Variants in DNMT3A observed in about 807,000 individuals in gnomAD.
The protein encoded by DNMT3A is DNA (cytosine-5)-methyltransferase 3A.
In DNMT3A, 267 loss-of-function variants were observed where a neutral mutation model predicts 117.6. That is an observed-to-expected ratio of 2.27 (90% confidence interval 2.05 to 2.51). The LOEUF is 2.51. DNMT3A is among the 30% of genes most tolerant of loss of function. The probability of loss-of-function intolerance (pLI) is 0.00; values close to 1 mark genes in which losing one functional copy is unlikely to be tolerated. For missense variants in DNMT3A, 1,029 were observed against 1,260.2 expected (o/e 0.82, Z 2.78); for synonymous variants, 432 against 474.8 (o/e 0.91, Z 1.17).
Position 25,281,424 on chromosome 2 carries a change from G to A in DNMT3A, c.448+1017C>T, listed in dbSNP as rs764841212. On this transcript the variant is annotated intron_variant, in intron 4 of 22. Transcript: ENST00000321117. This position sits in a 1 kb window ranked among gnomAD's most constrained non-coding sequence, Gnocchi z 4.8. ...AGTGGGAGCATCATACATATTTGTC[G>A]AATAATAAATGAATAAAAGCTTCTT... 1.2e-5 allele frequency: 12 copies of A among 1,030,902 alleles called. No homozygotes were observed. Among genetic ancestry groups the A allele is most frequent in the African/African-American group, 5.1e-5 (3 of 59,158 alleles). The allele number at this position is 1,030,902 out of a possible 1,614,324, so 63.9% of individuals were successfully genotyped here.
chr2:25,244,199 AG>A lies in DNMT3A; in HGVS notation c.1806del (p.Ser603ProfsTer48). ...YGLLRRREDW[P>X]SRLQMFFANN... ...TTAGCGAAGAACATCTGGAGCCGGG[AG>A]GGCCAGTCCTCTCGCCGCCGCAGCA... On this transcript the variant is annotated frameshift_variant, in exon 15 of 23. Coordinates refer to ENST00000321117, the MANE Select transcript of DNMT3A (RefSeq NM_022552.5). LOFTEE classifies it high-confidence loss of function. 1 of 1,613,906 alleles carries A rather than the reference AG, an allele frequency of 6.2e-7. No homozygotes were observed. Among genetic ancestry groups the A allele is most frequent in the Non-Finnish European group, 8.5e-7 (1 of 1,180,034 alleles).
At chr2:25,249,470 A>AC in intron 6 of DNMT3A, 1 of 674,546 alleles carries the variant, frequency 1.5e-6, no homozygotes, top group Non-Finnish European at 2.6e-6. Context: ...TATGGATCAC[A>AC]CCCAGTGTGT....
intron 4 of DNMT3A, among the ~76,000 whole-genome samples, chr2:25,280,319 C>T (rs1271629671): frequency 1.6e-5 from 2 of 126,926 alleles, no homozygotes; most frequent in African/African-American, 2.9e-5. Context: ...CCCGCCTCCC[C>T]GCCCCCCCAC....
chr2:25,299,633 G>A (rs910731682), intron 3 of DNMT3A, among the ~76,000 whole-genome samples: 1 of 152,154 alleles, frequency 6.6e-6, no homozygotes, highest in Non-Finnish European at 1.5e-5. Context: ...TCTCTATGCA[G>A]AAAACAGGGA....
chr2:25,251,499 G>A (rs926080849), intron 6 of DNMT3A, among the ~76,000 whole-genome samples: 1 of 152,114 alleles, frequency 6.6e-6, no homozygotes, highest in Non-Finnish European at 1.5e-5. Context: ...GGTGACTACT[G>A]CCTCCGGTCC....
intron 11 of DNMT3A, 37 bp downstream of exon 11, chr2:25,246,123 C>A (rs1327079523): frequency 6.2e-7 from 1 of 1,614,162 alleles, no homozygotes; most frequent in South Asian, 1.1e-5. Flanking sequence ...GGATGCAGGC[C>A]TCCTGGTGCC....
chr2:25,328,018 T>C (rs1179650447), intron 1 of DNMT3A, among the ~76,000 whole-genome samples: 1 of 152,120 alleles, frequency 6.6e-6, no homozygotes, highest in Non-Finnish European at 1.5e-5. Flanking sequence ...CTGGAGCGGG[T>C]CCACCTGCCT....
At position 25,247,034 on chromosome 2, in the gene DNMT3A, C is replaced by T. The variant is rs2149304814; in HGVS notation, c.1122+17G>A. 6.2e-7 allele frequency: 1 copy of T among 1,612,024 alleles called. No individual in the cohort carries two copies. The highest frequency in any genetic ancestry group is 8.5e-7 in the Non-Finnish European group (1 of 1,179,038). On this transcript the variant is annotated intron_variant, in intron 9 of 22. Coordinates refer to ENST00000321117, the MANE Select transcript of DNMT3A (RefSeq NM_022552.5). This position sits in a 1 kb window ranked among gnomAD's most constrained non-coding sequence, Gnocchi z 5.6. The stretch of plus-strand genomic sequence containing the variant: ...TGCTCTAGGCTCCTCCTCCGAGCTC[C>T]CAGCAGGGACACTCACCTGCAGGAC...
In DNMT3A at chr2:25,245,259, G is replaced by A; in HGVS notation, c.1548C>T (p.Asn516=). 1 of 1,613,898 alleles carries A rather than the reference G, an allele frequency of 6.2e-7. No homozygotes were observed. Residue 516 remains asparagine, a synonymous_variant, in exon 13 of 23, where the codon AAC becomes AAT. Transcript: ENST00000321117. ...TGGGTGGGTGTGCTCCTACCTTGCA[G>A]TTTTGGCACATTCCTCCAACGAAGA... ...HPLFVGGMCQ[N]CKNCFLECAY...
chr2:25,251,956 G>A (rs940575927), intron 6 of DNMT3A: 6 of 499,966 alleles, frequency 1.2e-5, no homozygotes, highest in Non-Finnish European at 2.1e-5. Context: ...TCCCCCGAGG[G>A]CGCCAGGTGC....
At position 25,246,762 on chromosome 2, in the gene DNMT3A, G is replaced by A. The variant is rs556289655; in HGVS notation, c.1137C>T (p.Arg379=). The A allele has an allele frequency of 4.3e-6, 7 of 1,613,486 alleles. No homozygotes were observed. The highest frequency in any genetic ancestry group is 1.7e-5 in the Admixed American group (1 of 60,016). ...IYEVLQVASS[R]AGKLFPVCHD... ...GGCACACCGGGAACAGCTTCCCCGCGCGGCTGCTGGCCACCTGGAGGGTGA... is the reference window on the plus strand; with the variant it reads ...GGCACACCGGGAACAGCTTCCCCGCACGGCTGCTGGCCACCTGGAGGGTGA... Residue 379 remains arginine, a synonymous_variant, in exon 10 of 23, where the codon CGC becomes CGT. Coordinates refer to ENST00000321117, the MANE Select transcript of DNMT3A (RefSeq NM_022552.5).
rs1435457471 is a variant in DNMT3A at position 25,234,668 on chromosome 2, GGTA to G, written c.2598-251_2598-249del. On this transcript the variant is annotated intron_variant, in intron 22 of 22. Transcript: ENST00000321117. This position sits in a 1 kb window ranked among gnomAD's most constrained non-coding sequence, Gnocchi z 4.5. ...CTGTGCTGGTTTCTGTGACCTTAAA[GGTA>G]GTAAGGTCATCACTGCCTAGAGTTT... Among the ~76,000 whole-genome samples the G allele has an allele frequency of 1.3e-5, 2 of 152,178 alleles. No homozygotes were observed. The highest frequency in any genetic ancestry group is 4.8e-5 in the African/African-American group (2 of 41,430).
rs2032931774 is a variant in DNMT3A, at chr2:25,293,877, G to A, written c.177+6262C>T. Among the ~76,000 whole-genome samples, 1 of 152,150 alleles carries A rather than the reference G, an allele frequency of 6.6e-6. No homozygotes were observed. The highest frequency in any genetic ancestry group is 2.4e-5 in the African/African-American group (1 of 41,422). Reference sequence around the variant, plus strand: ...GTAGAGATGGGGTTTTGCCATGTTGGCCAGGCTGGTCTCGAATTCCTGGCC... The same window carrying A: ...GTAGAGATGGGGTTTTGCCATGTTGACCAGGCTGGTCTCGAATTCCTGGCC... On this transcript the variant is annotated intron_variant, in intron 3 of 22. Coordinates refer to ENST00000321117, the MANE Select transcript of DNMT3A (RefSeq NM_022552.5). The surrounding 1 kb of genome is among the most constrained non-coding windows in gnomAD (Gnocchi z 4.7).
intron 1 of DNMT3A, among the ~76,000 whole-genome samples, chr2:25,316,135 T>A (rs1394800164): frequency 6.6e-6 from 1 of 151,588 alleles, no homozygotes; most frequent in African/African-American, 2.4e-5. Context: ...CCAAATGGAG[T>A]CGGGGGAGAC....
intron 5 of DNMT3A, 140 bp downstream of exon 5, chr2:25,275,360 C>T (rs1186730013): frequency 6.1e-6 from 8 of 1,303,984 alleles, no homozygotes; most frequent in African/African-American, 1.5e-5. Flanking sequence ...CCAACCTCCA[C>T]GCCCACTTCC....
chr2:25,288,240 C>T (rs13010921), intron 3 of DNMT3A, among the ~76,000 whole-genome samples: 5 of 150,760 alleles, frequency 3.3e-5, no homozygotes, highest in African/African-American at 1.2e-4. Context: ...TGAGACCATC[C>T]TGGCTAACAT....
rs747243684 is a variant in DNMT3A, at chr2:25,244,523, G to A, written c.1667+17C>T. 3 of 1,613,388 alleles carry A rather than the reference G, an allele frequency of 1.9e-6. No individual in the cohort carries two copies. The highest frequency in any genetic ancestry group is 2.2e-5 in the South Asian group (2 of 91,076). On this transcript the variant is annotated intron_variant, in intron 14 of 22. Transcript: ENST00000321117. The stretch of plus-strand genomic sequence containing the variant: ...GGGCCCAGCTAAGGAGACCACTGGA[G>A]GCCACAACAGCCTCACCTGCAGCAG...
At chr2:25,235,895 C>A in intron 21 of DNMT3A, 70 bp from the exon 22 acceptor site, 1 of 1,394,820 alleles carries the variant, frequency 7.2e-7, no homozygotes. Flanking sequence ...ATGCGTCTAC[C>A]AAATATGCCA....
intron 19 of DNMT3A, among the ~76,000 whole-genome samples, chr2:25,240,065 C>A: frequency 6.6e-6 from 1 of 152,296 alleles, no homozygotes; most frequent in Admixed American, 6.5e-5. Flanking sequence ...CCTTCAACCC[C>A]GGAGGTCCAC....
Sources: allele counts gnomAD v4.1 joint callset (sites outside exome capture counted in the v4.1 genomes callset), GRCh38; gene constraint gnomAD v4.1.1; non-coding constraint Gnocchi (gnomAD v3.1); transcripts MANE v1.5; gene names NCBI Gene and HGNC (gene_info 2026-07-23, HGNC 2026-07-21).